Variants in ESRRG observed in about 807,000 individuals in gnomAD.
ESRRG encodes the protein estrogen-related receptor gamma.
A neutral mutation model predicts 44.0 loss-of-function variants in ESRRG; 13 were observed. The ratio of observed to expected loss-of-function variants is 0.30; its 90% CI spans 0.19 to 0.47. The LOEUF is 0.47. Among genes scored for constraint, ESRRG ranks in the 20% least tolerant of loss-of-function variants. The pLI is 1.00. For missense variants in ESRRG, 395 were observed against 580.6 expected (o/e 0.68, Z 3.29); for synonymous variants, 215 against 214.6 (o/e 1.00, Z -0.02).
At chr1:216,829,188 GT>G (rs2095445438) in intron 2 of ESRRG, among the ~76,000 whole-genome samples, 1 of 152,084 alleles carries the variant, frequency 6.6e-6, no homozygotes, top group Non-Finnish European at 1.5e-5. Context: ...TCTTTCTCCA[GT>G]ACTATAACTG....
upstream of ESRRG, among the ~76,000 whole-genome samples, chr1:216,727,925 C>T (rs1316211394): frequency 6.6e-6 from 1 of 152,096 alleles, no homozygotes; most frequent in African/African-American, 2.4e-5. Flanking sequence ...CAGAGAAAGA[C>T]AGAAACTAAT....
intron 5 of ESRRG, among the ~76,000 whole-genome samples, chr1:216,546,343 G>A (rs2149330331): frequency 6.6e-6 from 1 of 151,728 alleles, no homozygotes; most frequent in South Asian, 2.1e-4. Flanking sequence ...GCTTGTCTGG[G>A]TCTGTGCAGC....
chr1:216,537,436 C>T (rs1055184237), intron 5 of ESRRG, among the ~76,000 whole-genome samples: 1 of 152,026 alleles, frequency 6.6e-6, no homozygotes, highest in Non-Finnish European at 1.5e-5. Flanking sequence ...AACACTAGAA[C>T]TTTCAGGCAG....
chr1:216,779,639 T>G (rs1166086477), intron 2 of ESRRG, among the ~76,000 whole-genome samples: 2 of 139,838 alleles, frequency 1.4e-5, no homozygotes, highest in African/African-American at 5.4e-5. Context: ...TTTTAAAAAG[T>G]ACTGGTTACA....
intron 2 of ESRRG, among the ~76,000 whole-genome samples, chr1:216,802,937 T>G (rs1404359332): frequency 6.6e-6 from 1 of 152,172 alleles, no homozygotes; most frequent in African/African-American, 2.4e-5. Context: ...CAATTTCTCA[T>G]GCCATGCTGT....
chr1:216,714,211 T>C (rs978460252), intron 1 of ESRRG, among the ~76,000 whole-genome samples: 2 of 151,916 alleles, frequency 1.3e-5, no homozygotes, highest in African/African-American at 2.4e-5. Context: ...GAAAAACAAA[T>C]ATAAAAAGTT....
At chr1:217,007,572 A>C (rs2150740534) in intron 1 of ESRRG, among the ~76,000 whole-genome samples, 1 of 152,324 alleles carries the variant, frequency 6.6e-6, no homozygotes, top group Admixed American at 6.5e-5. Context: ...AGAGAATAAT[A>C]AACTTCAGTC....
intron 3 of ESRRG, among the ~76,000 whole-genome samples, chr1:216,647,485 A>C (rs565591209): frequency 0.025 from 1,330 of 53,214 alleles, 15 homozygotes; most frequent in Middle Eastern, 0.045. Context: ...TCTTCAACTG[A>C]TACAATTTTT....
At chr1:216,824,546 G>C (rs1183433158) in intron 2 of ESRRG, among the ~76,000 whole-genome samples, 1 of 151,344 alleles carries the variant, frequency 6.6e-6, no homozygotes, top group Non-Finnish European at 1.5e-5. Flanking sequence ...TGTAGTCTTA[G>C]GCACAGATCC....
At chr1:216,958,050 C>T (rs1225430958) in intron 1 of ESRRG, among the ~76,000 whole-genome samples, 1 of 152,096 alleles carries the variant, frequency 6.6e-6, no homozygotes, top group Non-Finnish European at 1.5e-5. Context: ...CACCATGTGT[C>T]CCTGGCTTCC....
chr1:216,819,988 G>T (rs1235472852), intron 2 of ESRRG, among the ~76,000 whole-genome samples: 4 of 152,170 alleles, frequency 2.6e-5, no homozygotes, highest in Admixed American at 2.6e-4. Flanking sequence ...CTTCAAAGGG[G>T]CATATGGCAG....
At chr1:216,582,035 A>G (rs1022836491) in intron 3 of ESRRG, among the ~76,000 whole-genome samples, 12 of 152,138 alleles carry the variant, frequency 7.9e-5, no homozygotes, top group Non-Finnish European at 1.8e-4. Context: ...TTACTCTTTT[A>G]TTTATTTAGG....
chr1:217,082,302 C>T (rs1020054594), intron 1 of ESRRG, among the ~76,000 whole-genome samples: 1 of 152,214 alleles, frequency 6.6e-6, no homozygotes, highest in African/African-American at 2.4e-5. Flanking sequence ...AGTGACTCTT[C>T]TTCACCACCT....
At chr1:216,823,551 C>G (rs943423395) in intron 2 of ESRRG, among the ~76,000 whole-genome samples, 1 of 152,040 alleles carries the variant, frequency 6.6e-6, no homozygotes, top group Non-Finnish European at 1.5e-5. Flanking sequence ...CCTTTTGGCA[C>G]TAAAAGGAAA....
chr1:217,106,647 T>C (rs2092600691), intron 1 of ESRRG, among the ~76,000 whole-genome samples: 1 of 152,148 alleles, frequency 6.6e-6, no homozygotes, highest in South Asian at 2.1e-4. Context: ...TTCTTCCCTA[T>C]CCTGTTACAA....
chr1:216,671,550 T>C lies in ESRRG; in HGVS notation c.472+5526A>G, dbSNP rs12022321. On this transcript the variant is annotated intron_variant, in intron 2 of 6. Coordinates refer to ENST00000408911, the MANE Select transcript of ESRRG (RefSeq NM_001438.4). ...AGTTAATAATTTAGTGTACATTTAC[T>C]ATGGGTCAAGTACTTCGATATTCAT... Among the ~76,000 whole-genome samples, 724 of 152,316 alleles carry C rather than the reference T, an allele frequency of 4.8e-3. 28 individuals are homozygous for C. The East Asian group carries it at 0.09, about 19-fold the overall frequency.
intron 2 of ESRRG, among the ~76,000 whole-genome samples, chr1:216,833,915 T>C (rs1337477669): frequency 1.3e-5 from 2 of 152,202 alleles, no homozygotes; most frequent in Non-Finnish European, 2.9e-5. Context: ...TTATTCCCTA[T>C]GCAATGGCAT....
chr1:216,901,365 G>C (rs1267146624), intron 2 of ESRRG, among the ~76,000 whole-genome samples: 1 of 151,976 alleles, frequency 6.6e-6, no homozygotes, highest in South Asian at 2.1e-4. Context: ...TTGTCTTTCT[G>C]CTTTTACTTT....
At chr1:216,990,212 A>G (rs17044802) in intron 1 of ESRRG, among the ~76,000 whole-genome samples, 3,357 of 152,264 alleles carry the variant, frequency 0.022, 122 homozygotes, top group African/African-American at 0.075. Context: ...ACATTTCTAG[A>G]AAAATGGATG....
Sources: allele counts gnomAD v4.1 joint callset (sites outside exome capture counted in the v4.1 genomes callset), GRCh38; gene constraint gnomAD v4.1.1; transcripts MANE v1.5; gene names NCBI Gene and HGNC (gene_info 2026-07-23, HGNC 2026-07-21).